CD226: variants seen among roughly 807,000 people sequenced by gnomAD.
The protein encoded by CD226 is CD226 antigen.
Under a neutral mutation model 34.9 loss-of-function variants are expected in CD226, and 24 were observed. The observed-to-expected ratio is 0.69, with a 90% CI of 0.50 to 0.97. The LOEUF is 0.97. Among genes scored for constraint, CD226 ranks in the 50% least tolerant of loss-of-function variants. The pLI is 0.00. For missense variants in CD226, 397 were observed against 412.7 expected (o/e 0.96, Z 0.33); for synonymous variants, 148 against 147.4 (o/e 1.00, Z -0.03).
At chr18:69,910,236 T>C (rs984694015) in intron 2 of CD226, among the ~76,000 whole-genome samples, 1 of 152,198 alleles carries the variant, frequency 6.6e-6, no homozygotes, top group African/African-American at 2.4e-5. Flanking sequence ...GTCCAAAGAC[T>C]AGAACACAGA....
intron 4 of CD226, among the ~76,000 whole-genome samples, chr18:69,871,042 A>G (rs1381847245): frequency 6.6e-6 from 1 of 152,218 alleles, no homozygotes; most frequent in African/African-American, 2.4e-5. Context: ...CTACCGTTCA[A>G]TTTAGCTATT....
chr18:69,907,952 T>C (rs541942863), intron 2 of CD226, among the ~76,000 whole-genome samples: 3 of 152,294 alleles, frequency 2.0e-5, no homozygotes, highest in Admixed American at 6.5e-5. Flanking sequence ...ATAACCTCTG[T>C]TTGTACCCTA....
chr18:69,950,480 A>C (rs2055843250), upstream of CD226, among the ~76,000 whole-genome samples: 1 of 152,178 alleles, frequency 6.6e-6, no homozygotes, highest in Non-Finnish European at 1.5e-5. Context: ...ATGGGAGAGA[A>C]TGGCTGGGGC....
intron 2 of CD226, among the ~76,000 whole-genome samples, chr18:69,922,653 G>A (rs1329346677): frequency 6.6e-6 from 1 of 152,162 alleles, no homozygotes; most frequent in Non-Finnish European, 1.5e-5. Flanking sequence ...CTTGAGAAAT[G>A]AGGACTCATC....
intron 3 of CD226, among the ~76,000 whole-genome samples, chr18:69,873,974 T>A (rs984945776): frequency 3.9e-5 from 6 of 152,158 alleles, no homozygotes; most frequent in Admixed American, 6.5e-5. Flanking sequence ...ATAAGTATAA[T>A]TTAAGAAAAA....
chr18:69,865,837 C>T (rs1231090805), intron 5 of CD226, among the ~76,000 whole-genome samples: 1 of 152,104 alleles, frequency 6.6e-6, no homozygotes, highest in African/African-American at 2.4e-5. Flanking sequence ...AATTCCACTG[C>T]GAATAGTTAA....
At chr18:69,897,832 C>A (rs1004471388) in intron 2 of CD226, among the ~76,000 whole-genome samples, 1 of 152,248 alleles carries the variant, frequency 6.6e-6, no homozygotes, top group East Asian at 1.9e-4. Context: ...TTCAGCCGCA[C>A]CAAAAACTAG....
At chr18:69,876,381 C>A (rs144757245) in intron 3 of CD226, among the ~76,000 whole-genome samples, 2 of 152,302 alleles carry the variant, frequency 1.3e-5, no homozygotes, top group African/African-American at 4.8e-5. Context: ...CCACTTGTGA[C>A]ACACTGTTCA....
chr18:69,897,816 G>A (rs921426122), intron 2 of CD226, among the ~76,000 whole-genome samples: 4 of 152,148 alleles, frequency 2.6e-5, no homozygotes, highest in Non-Finnish European at 2.9e-5. Flanking sequence ...TCATGGCTAC[G>A]ATAGTTTCAG....
At chr18:69,916,733 A>G (rs1468408416) in intron 2 of CD226, among the ~76,000 whole-genome samples, 2 of 152,316 alleles carry the variant, frequency 1.3e-5, no homozygotes, top group Non-Finnish European at 2.9e-5. Context: ...CATTTTGTAC[A>G]TAAGGGAACA....
At chr18:69,933,560 G>T (rs1320413681) in intron 2 of CD226, among the ~76,000 whole-genome samples, 1 of 152,146 alleles carries the variant, frequency 6.6e-6, no homozygotes, top group Non-Finnish European at 1.5e-5. Flanking sequence ...TTGCATTACA[G>T]TCACTTGGCC....
intron 4 of CD226, among the ~76,000 whole-genome samples, chr18:69,868,506 CTTAT>C (rs1426707780): frequency 6.6e-6 from 1 of 151,962 alleles, no homozygotes; most frequent in Admixed American, 6.5e-5. Context: ...CATTTATTTT[CTTAT>C]TTATTATTAT....
chr18:69,872,093 G>GTGTGTGGTA (rs1356436254), intron 4 of CD226, among the ~76,000 whole-genome samples: 5 of 98,118 alleles, frequency 5.1e-5, no homozygotes, highest in Non-Finnish European at 6.5e-5. Context: ...TGTGTGTGGT[G>GTGTGTGGTA]CATTTGGTAA....
At chr18:69,901,675 C>G (rs770256224) in intron 2 of CD226, among the ~76,000 whole-genome samples, 13 of 152,014 alleles carry the variant, frequency 8.6e-5, no homozygotes, top group Non-Finnish European at 1.3e-4. Flanking sequence ...GTCAGGAGAT[C>G]AAGACCATCC....
chr18:69,925,127 T>C (rs930413656), intron 2 of CD226, among the ~76,000 whole-genome samples: 2 of 152,186 alleles, frequency 1.3e-5, no homozygotes, highest in African/African-American at 4.8e-5. Context: ...AGACAACCTG[T>C]TGGACAAAAT....
At chr18:69,936,149 G>C (rs1415165730) in intron 2 of CD226, among the ~76,000 whole-genome samples, 2 of 152,176 alleles carry the variant, frequency 1.3e-5, no homozygotes, top group African/African-American at 4.8e-5. Flanking sequence ...GAATTCCACT[G>C]TATCAGCCAT....
chr18:69,879,439 G>A (rs1460773274), intron 3 of CD226, among the ~76,000 whole-genome samples: 1 of 152,024 alleles, frequency 6.6e-6, no homozygotes, highest in African/African-American at 2.4e-5. Flanking sequence ...TTCCTTACTG[G>A]GGAAGGAATT....
chr18:69,913,525 CTA>C (rs1599003296), intron 2 of CD226, among the ~76,000 whole-genome samples: 1 of 152,112 alleles, frequency 6.6e-6, no homozygotes, highest in African/African-American at 2.4e-5. Context: ...TTTTATTAAT[CTA>C]TGTTTATGCA....
intron 2 of CD226, among the ~76,000 whole-genome samples, chr18:69,904,979 A>G (rs984698172): frequency 2.0e-5 from 3 of 152,246 alleles, no homozygotes; most frequent in African/African-American, 4.8e-5. Flanking sequence ...ATACTTAAAA[A>G]TATTTTCAGT....
Sources: allele counts gnomAD v4.1 joint callset (sites outside exome capture counted in the v4.1 genomes callset), GRCh38; gene constraint gnomAD v4.1.1; transcripts MANE v1.5; gene names NCBI Gene and HGNC (gene_info 2026-07-23, HGNC 2026-07-21).